The following WWOX variants were observed in gnomAD, a reference collection of about 807,000 sequenced individuals.
WWOX encodes the protein WW domain-containing oxidoreductase.
In WWOX, 69 loss-of-function variants were observed where a neutral mutation model predicts 46.2. The observed-to-expected ratio is 1.49, with a 90% CI of 1.23 to 1.82. The LOEUF (loss-of-function observed/expected upper bound fraction) is 1.82. Among genes scored for constraint, WWOX ranks in the 40% most tolerant of loss-of-function variants. WWOX has a pLI of 0.00. For missense variants in WWOX, 919 were observed against 542.6 expected (o/e 1.69, Z -6.89); for synonymous variants, 359 against 202.6 (o/e 1.77, Z -6.56).
chr16:78,649,997 T>A (rs2046930873), intron 8 of WWOX, among the ~76,000 whole-genome samples: 1 of 152,228 alleles, frequency 6.6e-6, no homozygotes, highest in Non-Finnish European at 1.5e-5. Context: ...ATTGTATATT[T>A]TTTTCTTTCA....
intron 6 of WWOX, among the ~76,000 whole-genome samples, chr16:78,398,407 T>C (rs1322391262): frequency 6.6e-6 from 1 of 152,122 alleles, no homozygotes; most frequent in Non-Finnish European, 1.5e-5. Flanking sequence ...TATGTAAGCA[T>C]AGATTCCAAA....
intron 8 of WWOX, among the ~76,000 whole-genome samples, chr16:78,911,558 C>A (rs939279541): frequency 1.3e-5 from 2 of 151,944 alleles, no homozygotes; most frequent in Non-Finnish European, 2.9e-5. Context: ...AAATTCTCCC[C>A]AGTGGCAATG....
chr16:79,093,424 A>G (rs1319163602), intron 8 of WWOX, among the ~76,000 whole-genome samples: 1 of 152,220 alleles, frequency 6.6e-6, no homozygotes, highest in Non-Finnish European at 1.5e-5. Flanking sequence ...TTGTGACCCA[A>G]CATTTTTCTG....
At chr16:78,970,919 G>A (rs1237588013) in intron 8 of WWOX, among the ~76,000 whole-genome samples, 1 of 152,054 alleles carries the variant, frequency 6.6e-6, no homozygotes, top group Non-Finnish European at 1.5e-5. Flanking sequence ...CTTTTGCTAT[G>A]GTGGTCTCTG....
intron 8 of WWOX, among the ~76,000 whole-genome samples, chr16:78,498,779 T>C (rs1056709739): frequency 6.6e-6 from 1 of 152,202 alleles, no homozygotes; most frequent in Non-Finnish European, 1.5e-5. Context: ...TAGTTCACTA[T>C]AATCTCGAAC....
chr16:79,064,717 G>C (rs1200407633), intron 8 of WWOX, among the ~76,000 whole-genome samples: 1 of 152,364 alleles, frequency 6.6e-6, no homozygotes, highest in East Asian at 1.9e-4. Context: ...TGAGGGAGGA[G>C]TGTACAATTC....
intron 8 of WWOX, among the ~76,000 whole-genome samples, chr16:79,192,754 G>C (rs1039478521): frequency 2.6e-5 from 4 of 152,158 alleles, no homozygotes; most frequent in African/African-American, 9.7e-5. Context: ...AGGCAGTAGA[G>C]TGAGAAGAAC....
intron 8 of WWOX, among the ~76,000 whole-genome samples, chr16:78,585,703 T>C (rs1312982783): frequency 1.3e-5 from 2 of 151,746 alleles, no homozygotes; most frequent in African/African-American, 4.8e-5. Context: ...TTTTGTTTTT[T>C]TTGTTTTTTT....
At chr16:78,182,770 G>C (rs1027262801) in intron 5 of WWOX, among the ~76,000 whole-genome samples, 1 of 151,920 alleles carries the variant, frequency 6.6e-6, no homozygotes, top group Non-Finnish European at 1.5e-5. Flanking sequence ...GGCTAACAAA[G>C]TGAAAGCCCG....
intron 5 of WWOX, among the ~76,000 whole-genome samples, chr16:78,371,763 C>T (rs961849320): frequency 3.3e-5 from 5 of 151,970 alleles, no homozygotes; most frequent in African/African-American, 1.2e-4. Flanking sequence ...AGCTATTCTG[C>T]TTTCAAAATG....
At chr16:78,380,970 T>C (rs1297906829) in intron 5 of WWOX, among the ~76,000 whole-genome samples, 1 of 152,006 alleles carries the variant, frequency 6.6e-6, no homozygotes, top group Non-Finnish European at 1.5e-5. Flanking sequence ...TAATCTTCAC[T>C]CTAACCATAG....
At chr16:78,448,719 A>G (rs1362764760) in intron 8 of WWOX, among the ~76,000 whole-genome samples, 1 of 152,226 alleles carries the variant, frequency 6.6e-6, no homozygotes, top group East Asian at 1.9e-4. Context: ...GAGGCTGGAC[A>G]TTAAAATCAA....
chr16:78,782,800 C>A (rs952384638), intron 8 of WWOX, among the ~76,000 whole-genome samples: 22 of 151,584 alleles, frequency 1.5e-4, no homozygotes, highest in African/African-American at 4.8e-4. Flanking sequence ...TGCAATCAAT[C>A]ATTGATAAGA....
intron 8 of WWOX, among the ~76,000 whole-genome samples, chr16:78,874,694 T>C (rs1311895823): frequency 1.4e-5 from 2 of 145,120 alleles, no homozygotes; most frequent in African/African-American, 2.6e-5. Flanking sequence ...CTTTTTTTTT[T>C]TTTTTTTTTT....
chr16:78,599,324 A>C (rs2045567244), intron 8 of WWOX, among the ~76,000 whole-genome samples: 1 of 152,158 alleles, frequency 6.6e-6, no homozygotes, highest in South Asian at 2.1e-4. Context: ...CAATCCACAG[A>C]CATTGAACTG....
chr16:79,026,033 C>G (rs1192353981), intron 8 of WWOX, among the ~76,000 whole-genome samples: 1 of 151,418 alleles, frequency 6.6e-6, no homozygotes, highest in East Asian at 1.9e-4. Flanking sequence ...ATTCCTGGTC[C>G]CAGGCGATCT....
chr16:78,755,963 C>A (rs192879894), intron 8 of WWOX, among the ~76,000 whole-genome samples: 1 of 152,158 alleles, frequency 6.6e-6, no homozygotes, highest in Non-Finnish European at 1.5e-5. Flanking sequence ...TCTGGCAAAT[C>A]AGAGGCCTGT....
intron 8 of WWOX, among the ~76,000 whole-genome samples, chr16:78,973,305 C>T (rs1357667874): frequency 6.6e-6 from 1 of 152,072 alleles, no homozygotes; most frequent in Admixed American, 6.5e-5. Context: ...CGTTTGGGTA[C>T]TTATGTTCCC....
intron 8 of WWOX, among the ~76,000 whole-genome samples, chr16:78,480,575 C>T (rs934938283): frequency 3.9e-5 from 6 of 152,152 alleles, no homozygotes; most frequent in African/African-American, 1.4e-4. Context: ...AGCTCAGTAG[C>T]CACTTTCAGG....
Sources: allele counts gnomAD v4.1 joint callset (sites outside exome capture counted in the v4.1 genomes callset), GRCh38; gene constraint gnomAD v4.1.1; transcripts MANE v1.5; gene names NCBI Gene and HGNC (gene_info 2026-07-23, HGNC 2026-07-21).